ANGPT1: variants seen among roughly 807,000 people sequenced by gnomAD.
The protein encoded by ANGPT1 is angiopoietin 1, also known as angiopoietin-1.
A neutral mutation model predicts 62.2 loss-of-function variants in ANGPT1; 17 were observed. The observed-to-expected ratio is 0.27, with a 90% CI of 0.19 to 0.41. The LOEUF (loss-of-function observed/expected upper bound fraction) is 0.41, where lower values mean the gene tolerates loss of function less well. ANGPT1 is among the 10% of genes least tolerant of loss of function. ANGPT1 has a pLI of 1.00. For missense variants in ANGPT1, 478 were observed against 594.9 expected (o/e 0.80, Z 2.04); for synonymous variants, 199 against 198.9 (o/e 1.00, Z 0.00).
chr8:107,285,464 C>A (rs527577801), intron 6 of ANGPT1, among the ~76,000 whole-genome samples: 12 of 152,132 alleles, frequency 7.9e-5, no homozygotes, highest in Non-Finnish European at 1.6e-4. Flanking sequence ...TAATAAGCAA[C>A]CCTGTAAATC....
At chr8:107,322,814 C>T (rs7009753) in intron 3 of ANGPT1, 44,009 of 240,318 alleles carry the variant, frequency 0.18, 4,453 homozygotes, top group Middle Eastern at 0.31. Context: ...CAGCAATATA[C>T]ATTCTCAATC....
chr8:107,336,830 G>A (rs1301168496), intron 2 of ANGPT1, among the ~76,000 whole-genome samples: 2 of 143,068 alleles, frequency 1.4e-5, no homozygotes, highest in African/African-American at 2.7e-5. Context: ...ATATTCTCCT[G>A]TGCTAGTTGC....
intron 1 of ANGPT1, among the ~76,000 whole-genome samples, chr8:107,446,992 T>C (rs1400952661): frequency 6.6e-6 from 1 of 152,230 alleles, no homozygotes; most frequent in Non-Finnish European, 1.5e-5. Context: ...CTCCTTCTAG[T>C]AGAGTTGCCC....
At chr8:107,416,230 C>G (rs1375262242) in intron 1 of ANGPT1, among the ~76,000 whole-genome samples, 1 of 152,146 alleles carries the variant, frequency 6.6e-6, no homozygotes, top group Admixed American at 6.5e-5. Context: ...AAGTTAGGGC[C>G]TCTGGAACTT....
At chr8:107,393,923 G>C (rs143319900) in intron 1 of ANGPT1, among the ~76,000 whole-genome samples, 1 of 152,168 alleles carries the variant, frequency 6.6e-6, no homozygotes, top group Non-Finnish European at 1.5e-5. Flanking sequence ...AACAAAAGCA[G>C]AATCGTAAGT....
chr8:107,263,877 T>C (rs1813554420), intron 8 of ANGPT1, among the ~76,000 whole-genome samples: 1 of 152,194 alleles, frequency 6.6e-6, no homozygotes, highest in Non-Finnish European at 1.5e-5. Flanking sequence ...TAAGAAGTAA[T>C]TGCTGTATAT....
chr8:107,256,757 C>A (rs181419708), intron 8 of ANGPT1, among the ~76,000 whole-genome samples: 4 of 152,162 alleles, frequency 2.6e-5, no homozygotes, highest in Non-Finnish European at 5.9e-5. Flanking sequence ...CTCAATGATG[C>A]AAGCAAAGGA....
intron 1 of ANGPT1, among the ~76,000 whole-genome samples, chr8:107,448,777 G>A (rs112602655): frequency 0.016 from 2,501 of 152,224 alleles, 34 homozygotes; most frequent in Non-Finnish European, 0.025. Flanking sequence ...ACATTCTATA[G>A]CGAGAACCCA....
intron 1 of ANGPT1, among the ~76,000 whole-genome samples, chr8:107,395,540 A>G (rs1816918960): frequency 6.6e-6 from 1 of 152,134 alleles, no homozygotes; most frequent in Non-Finnish European, 1.5e-5. Flanking sequence ...CATCTTTATG[A>G]GTTTTCATTG....
Position 107,321,881 on chromosome 8 carries a change from G to A in ANGPT1, c.808+15C>T. On this transcript the variant is annotated intron_variant, in intron 4 of 8. Transcript: ENST00000517746. Reference sequence around the variant, plus strand: ...TAAAATATTAACAATACCAAAGTGAGGAAGACATTCTTACCACCTTCTTTA... The same window carrying A: ...TAAAATATTAACAATACCAAAGTGAAGAAGACATTCTTACCACCTTCTTTA... 1 of 1,605,700 alleles carries A rather than the reference G, an allele frequency of 6.2e-7. No homozygotes were observed. The highest frequency in any genetic ancestry group is 8.5e-7 in the Non-Finnish European group (1 of 1,172,718).
At chr8:107,266,677 C>T (rs996191837) in intron 7 of ANGPT1, among the ~76,000 whole-genome samples, 2 of 151,672 alleles carry the variant, frequency 1.3e-5, no homozygotes, top group African/African-American at 4.8e-5. Context: ...TACGGTAAGT[C>T]AATGCCATTT....
chr8:107,493,510 A>G (rs1032152733), intron 1 of ANGPT1, among the ~76,000 whole-genome samples: 1 of 150,560 alleles, frequency 6.6e-6, no homozygotes, highest in African/African-American at 2.4e-5. Context: ...TCTGGACCCA[A>G]TATTGTTTTA....
intron 4 of ANGPT1, among the ~76,000 whole-genome samples, chr8:107,305,520 G>C (rs1472033085): frequency 1.3e-5 from 2 of 151,680 alleles, no homozygotes; most frequent in Non-Finnish European, 2.9e-5. Context: ...TTTAGTAACC[G>C]AGAAAAAAGG....
intron 3 of ANGPT1, among the ~76,000 whole-genome samples, chr8:107,327,567 G>A (rs1815318249): frequency 6.6e-6 from 1 of 152,084 alleles, no homozygotes; most frequent in Non-Finnish European, 1.5e-5. Flanking sequence ...GATTTAGGGA[G>A]GCCTATATTA....
intron 1 of ANGPT1, among the ~76,000 whole-genome samples, chr8:107,471,898 AT>A (rs1014451729): frequency 5.3e-5 from 8 of 152,142 alleles, no homozygotes; most frequent in Non-Finnish European, 7.4e-5. Flanking sequence ...TTATTTATTT[AT>A]TTCCTCAATT....
chr8:107,442,986 C>A (rs1654773), intron 1 of ANGPT1, among the ~76,000 whole-genome samples: 1 of 152,064 alleles, frequency 6.6e-6, no homozygotes, highest in Admixed American at 6.6e-5. Flanking sequence ...ATGTAGAATG[C>A]CCAGCCCAGT....
chr8:107,488,060 T>C (rs1302078851), intron 1 of ANGPT1, among the ~76,000 whole-genome samples: 1 of 152,200 alleles, frequency 6.6e-6, no homozygotes, highest in Non-Finnish European at 1.5e-5. Flanking sequence ...AATTATAGAA[T>C]TTGCCGCTAA....
At chr8:107,306,165 A>G (rs976644061) in intron 4 of ANGPT1, among the ~76,000 whole-genome samples, 2 of 152,100 alleles carry the variant, frequency 1.3e-5, no homozygotes, top group Admixed American at 6.6e-5. Context: ...TTCTTATGGA[A>G]GAGACACTAG....
intron 1 of ANGPT1, among the ~76,000 whole-genome samples, chr8:107,376,037 T>C (rs899903437): frequency 2.0e-5 from 3 of 152,206 alleles, no homozygotes; most frequent in African/African-American, 7.2e-5. Context: ...TTCTTACAGA[T>C]TTTTATCCCT....
Sources: gnomAD v4.1 joint callset for allele counts (sites outside exome capture counted in the v4.1 genomes callset) on GRCh38, gnomAD v4.1.1 for gene constraint, MANE v1.5 for transcripts, NCBI Gene and HGNC (gene_info 2026-07-23, HGNC 2026-07-21) for gene names.